Variants in ABCC1 observed in about 807,000 individuals in gnomAD.
ABCC1 encodes the protein multidrug resistance-associated protein 1.
In ABCC1, 83 loss-of-function variants were observed where a neutral mutation model predicts 172.9. The ratio of observed to expected loss-of-function variants is 0.48; its 90% CI spans 0.40 to 0.58. The LOEUF is 0.58. ABCC1 is among the 20% of genes least tolerant of loss of function. The pLI, the probability that ABCC1 is intolerant of heterozygous loss-of-function variation, is 0.00. For synonymous variants in ABCC1, 937 were observed against 825.2 expected, an observed-to-expected ratio of 1.14 and a Z score of -2.32; for missense variants, 1,817 against 2,002.7, an observed-to-expected ratio of 0.91 and a Z score of 1.77.
intron 1 of ABCC1, among the ~76,000 whole-genome samples, chr16:15,983,647 C>T: frequency 6.7e-6 from 1 of 149,578 alleles, no homozygotes. Context: ...CCTTGACTTC[C>T]CAGGTTCAAG....
rs1188666743 is a variant in ABCC1, at chr16:16,093,949, T to C, written c.2644+3361T>C. Among the ~76,000 whole-genome samples, 20 of 150,606 alleles carry C rather than the reference T, an allele frequency of 1.3e-4. 1 individual carries two copies. Among genetic ancestry groups the C allele is most frequent in the Admixed American group, 1.2e-3 (18 of 14,964 alleles). Reference sequence around the variant, plus strand: ...TCAGTTTACTGATTTCTAAGAAATATATCTTTTTTACTGTTTGTCTCCCTC... The same window carrying C: ...TCAGTTTACTGATTTCTAAGAAATACATCTTTTTTACTGTTTGTCTCCCTC... On this transcript the variant is annotated intron_variant, in intron 19 of 30. Transcript: ENST00000399410.
intron 7 of ABCC1, among the ~76,000 whole-genome samples, chr16:16,039,961 C>T (rs1464796899): frequency 2.6e-5 from 4 of 152,054 alleles, no homozygotes; most frequent in African/African-American, 4.8e-5. Flanking sequence ...TTGCAGGGGT[C>T]TCCTCTGAGA....
In ABCC1 at chr16:16,089,788, C is replaced by T. The variant is rs574641928; in HGVS notation, c.2461-617C>T. Among the ~76,000 whole-genome samples the T allele has an allele frequency of 2.7e-5, 4 of 146,688 alleles. No homozygotes were observed. In the East Asian group the frequency reaches 6.3e-4, roughly 23 times the overall value. Reference sequence around the variant, plus strand: ...GCTACGCGGGAGGGAGGCTGAGGCACGGGAATTGCTTGAACCCGGGAGGCG... The same window carrying T: ...GCTACGCGGGAGGGAGGCTGAGGCATGGGAATTGCTTGAACCCGGGAGGCG... On this transcript the variant is annotated intron_variant, in intron 18 of 30. Coordinates refer to ENST00000399410, the MANE Select transcript of ABCC1 (RefSeq NM_004996.4).
At chr16:16,000,580 T>C (rs376689903) in intron 1 of ABCC1, among the ~76,000 whole-genome samples, 1 of 152,178 alleles carries the variant, frequency 6.6e-6, no homozygotes, top group East Asian at 1.9e-4. Context: ...AGCTAGTCTC[T>C]ACCTGGATGG....
At chr16:16,140,637 A>G (rs1485554885) in intron 30 of ABCC1, among the ~76,000 whole-genome samples, 1 of 152,238 alleles carries the variant, frequency 6.6e-6, no homozygotes, top group Non-Finnish European at 1.5e-5. Flanking sequence ...ATTAGGGGTC[A>G]GCCAACTATG....
chr16:15,962,731 C>T (rs186606510), intron 1 of ABCC1, among the ~76,000 whole-genome samples: 88 of 152,236 alleles, frequency 5.8e-4, no homozygotes, highest in African/African-American at 1.9e-3. Context: ...ATGGGGGAAC[C>T]GCTCCCATGA....
At chr16:16,133,403 TTTTG>T (rs1379733255) in intron 27 of ABCC1, among the ~76,000 whole-genome samples, 6 of 63,824 alleles carry the variant, frequency 9.4e-5, no homozygotes, top group African/African-American at 2.0e-4. Flanking sequence ...TTTGTTTTTG[TTTTG>T]TTTTGTTTTG....
At chr16:15,995,132 A>T (rs2047013145) in intron 1 of ABCC1, among the ~76,000 whole-genome samples, 1 of 151,912 alleles carries the variant, frequency 6.6e-6, no homozygotes, top group African/African-American at 2.4e-5. Flanking sequence ...ACTCCGTCTC[A>T]AAAAACAAAC....
chr16:16,061,827 G>A (rs530837858), intron 12 of ABCC1, among the ~76,000 whole-genome samples: 1 of 138,104 alleles, frequency 7.2e-6, no homozygotes, highest in African/African-American at 2.8e-5. Flanking sequence ...AAGCTGGAGT[G>A]CAGTGACATG....
At chr16:16,053,774 CAAAAAAAAAAAAAAAAA>C (rs10526186) in intron 11 of ABCC1, among the ~76,000 whole-genome samples, 31 of 36,218 alleles carry the variant, frequency 8.6e-4, no homozygotes, top group Admixed American at 1.4e-3. Context: ...GACCCTGTCT[CAAAAAAAAAAAAAAAAA>C]AAAAAAAAAA....
intron 28 of ABCC1, among the ~76,000 whole-genome samples, chr16:16,135,603 G>A (rs969293529): frequency 2.6e-5 from 4 of 152,072 alleles, no homozygotes; most frequent in African/African-American, 7.2e-5. Flanking sequence ...TTATAGGCAC[G>A]CACCACCATG....
chr16:16,005,727 T>G (rs776172401), intron 1 of ABCC1, among the ~76,000 whole-genome samples: 3 of 152,108 alleles, frequency 2.0e-5, no homozygotes, highest in Non-Finnish European at 4.4e-5. Flanking sequence ...GAGACTGAGG[T>G]TGGCAGATCA....
intron 1 of ABCC1, among the ~76,000 whole-genome samples, chr16:15,962,498 T>C (rs2046156855): frequency 6.6e-6 from 1 of 152,152 alleles, no homozygotes; most frequent in Admixed American, 6.5e-5. Context: ...CATGCTGCTA[T>C]GAAAAAATAC....
intron 20 of ABCC1, among the ~76,000 whole-genome samples, chr16:16,105,157 G>A (rs906052218): frequency 1.3e-5 from 2 of 152,206 alleles, no homozygotes; most frequent in Non-Finnish European, 2.9e-5. Context: ...AGCGAGCGAG[G>A]GCTGCGAGGG....
At chr16:15,983,634 T>C (rs458926) in intron 1 of ABCC1, among the ~76,000 whole-genome samples, 124,713 of 149,028 alleles carry the variant, frequency 0.84, 52,370 homozygotes, top group Non-Finnish European at 0.87. Context: ...CGGCTCACTG[T>C]AGCCTTGACT....
Position 16,068,306 on chromosome 16 carries a change from C to T in ABCC1, c.1824+4C>T, listed in dbSNP as rs376233613. On this transcript the variant is annotated splice_donor_region_variant and intron_variant, in intron 13 of 30. Coordinates refer to ENST00000399410, the MANE Select transcript of ABCC1 (RefSeq NM_004996.4). Reference sequence around the variant, plus strand: ...GGTCATCAGCAGCATCGTGCAGGTACAGGGGGAAGCTGGGGCGACTTCCGA... The same window carrying T: ...GGTCATCAGCAGCATCGTGCAGGTATAGGGGGAAGCTGGGGCGACTTCCGA... The T allele has an allele frequency of 1.2e-6, 2 of 1,613,726 alleles. No homozygotes were observed. The highest frequency in any genetic ancestry group is 1.7e-6 in the Non-Finnish European group (2 of 1,179,834).
chr16:16,136,595 C>T lies in ABCC1; in HGVS notation c.4243C>T (p.Leu1415Phe). 1 of 1,614,158 alleles carries T rather than the reference C, an allele frequency of 6.2e-7. No homozygotes were observed. The highest frequency in any genetic ancestry group is 1.3e-5 in the African/African-American group (1 of 75,048). The stretch of plus-strand genomic sequence containing the variant: ...CCACCTGAAGGACTTCGTGTCAGCC[C>T]TTCCTGACAAGCTAGACCATGAATG... The part of the protein sequence containing the change: ...LAHLKDFVSA[L>F]PDKLDHECAE... Residue 1415 changes from leucine to phenylalanine, a missense_variant, in exon 29 of 31, where the codon CTT (leucine) becomes TTT (phenylalanine). By Grantham distance (22) the Leu-to-Phe change is conservative. This residue lies in a region of ABCC1 where 1,412 missense variants were observed against 1,600.3 expected (regional missense o/e 0.88). Coordinates refer to ENST00000399410, the MANE Select transcript of ABCC1 (RefSeq NM_004996.4).
At chr16:15,993,639 G>A (rs12928602) in intron 1 of ABCC1, among the ~76,000 whole-genome samples, 14,139 of 151,902 alleles carry the variant, frequency 0.093, 746 homozygotes, top group Middle Eastern at 0.15. Flanking sequence ...AAATACCAGC[G>A]GTTCTGAGGT....
At chr16:16,111,276 T>A in intron 21 of ABCC1, 99 bp from the exon 22 acceptor site, 1 of 935,116 alleles carries the variant, frequency 1.1e-6, no homozygotes, top group East Asian at 2.4e-5. Context: ...GGCAGGCAGC[T>A]GGGTGGCACA....
Sources: gnomAD v4.1 joint callset for allele counts (sites outside exome capture counted in the v4.1 genomes callset) on GRCh38, gnomAD v4.1.1 for gene constraint, gnomAD v4.1.1 regional missense constraint, MANE v1.5 for transcripts, NCBI Gene and HGNC (gene_info 2026-07-23, HGNC 2026-07-21) for gene names.